RYR3: variants seen among roughly 807,000 people sequenced by gnomAD.
RYR3 encodes ryanodine receptor 3.
In RYR3, 207 loss-of-function variants were observed where a neutral mutation model predicts 584.3. The observed-to-expected ratio is 0.35, with a 90% confidence interval of 0.32 to 0.40. RYR3 has a LOEUF of 0.40. Among genes scored for constraint, RYR3 ranks in the 10% least tolerant of loss-of-function variants. The pLI is 1.00. For synonymous variants in RYR3, 2,416 were observed against 2,248.5 expected (o/e 1.07, Z -2.11); for missense variants, 5,616 against 6,089.2 (o/e 0.92, Z 2.59).
chr15:33,767,423 C>T (rs2073185918), intron 60 of RYR3, among the ~76,000 whole-genome samples: 1 of 152,200 alleles, frequency 6.6e-6, no homozygotes, highest in Non-Finnish European at 1.5e-5. Context: ...AAGCTATAGG[C>T]CAGGGGGTCC....
intron 1 of RYR3, among the ~76,000 whole-genome samples, chr15:33,437,911 C>G (rs1464210139): frequency 6.6e-6 from 1 of 152,096 alleles, no homozygotes; most frequent in Non-Finnish European, 1.5e-5. Flanking sequence ...TTTGTAGAAA[C>G]AGTGTCTTGC....
intron 1 of RYR3, among the ~76,000 whole-genome samples, chr15:33,419,387 G>T (rs1596054011): frequency 6.6e-6 from 1 of 152,232 alleles, no homozygotes; most frequent in South Asian, 2.1e-4. Flanking sequence ...TCCATTTCAG[G>T]TGGAAAAGTT....
intron 23 of RYR3, 119 bp downstream of exon 23, chr15:33,631,412 G>A (rs2061259507): frequency 3.2e-6 from 2 of 617,950 alleles, no homozygotes; most frequent in Non-Finnish European, 2.8e-6. Flanking sequence ...AGCTCAGAAG[G>A]GCTCCCCTGT....
chr15:33,854,459 G>A lies in RYR3; in HGVS notation c.13860+10G>A. On this transcript the variant is annotated intron_variant, in intron 97 of 103. Transcript: ENST00000634891. ...TGTTTTTACTGACAACGTAAGTACT[G>A]CACCTGGAAAAACAAAATTCTATAC... 2 of 1,556,104 alleles carry A rather than the reference G, an allele frequency of 1.3e-6. No individual in the cohort carries two copies. The highest frequency in any genetic ancestry group is 1.7e-6 in the Non-Finnish European group (2 of 1,151,028).
intron 38 of RYR3, among the ~76,000 whole-genome samples, chr15:33,684,839 C>T (rs2064878666): frequency 6.6e-6 from 1 of 152,144 alleles, no homozygotes; most frequent in Non-Finnish European, 1.5e-5. Context: ...TCATTCCAGC[C>T]AAACTAAGCT....
intron 18 of RYR3, 33 bp downstream of exon 18, chr15:33,603,397 C>T (rs2059765632): frequency 1.3e-6 from 2 of 1,512,860 alleles, no homozygotes; most frequent in Non-Finnish European, 8.9e-7. Context: ...GGCTCATAAT[C>T]TCACTGGAAA....
intron 1 of RYR3, among the ~76,000 whole-genome samples, chr15:33,359,093 T>C (rs1342397115): frequency 6.6e-6 from 1 of 152,216 alleles, no homozygotes; most frequent in Non-Finnish European, 1.5e-5. Flanking sequence ...CACCCTAGTT[T>C]AGGCCCCTGT....
At chr15:33,663,046 CA>C (rs1223821418) in intron 35 of RYR3, 98 bp downstream of exon 35, 3 of 1,122,998 alleles carry the variant, frequency 2.7e-6, no homozygotes, top group Non-Finnish European at 3.9e-6. Flanking sequence ...TAAGGTATGT[CA>C]AGTGCTTGGC....
chr15:33,313,821 C>CA (rs1206882806), intron 1 of RYR3, among the ~76,000 whole-genome samples: 2 of 151,970 alleles, frequency 1.3e-5, no homozygotes, highest in Non-Finnish European at 2.9e-5. Context: ...AACCTATTTA[C>CA]AAAAAAAGAC....
chr15:33,718,358 A>AG (rs561277234), intron 43 of RYR3, among the ~76,000 whole-genome samples: 134 of 152,320 alleles, frequency 8.8e-4, no homozygotes, highest in Non-Finnish European at 1.4e-3. Flanking sequence ...GACTTATTGA[A>AG]GAAATATATT....
At chr15:33,381,633 A>ATCATTTCTGACAGCCCCAATC (rs2041198204) in intron 1 of RYR3, among the ~76,000 whole-genome samples, 1 of 152,092 alleles carries the variant, frequency 6.6e-6, no homozygotes, top group South Asian at 2.1e-4. Context: ...ACTCCTTGAA[A>ATCATTTCTGACAGCCCCAATC]TCATTTCTGA....
intron 39 of RYR3, 57 bp downstream of exon 39, chr15:33,696,548 A>G (rs2065877923): frequency 6.5e-7 from 1 of 1,536,106 alleles, no homozygotes. Context: ...GGGAAAACTG[A>G]CTTACCTTGA....
chr15:33,769,035 G>C (rs1299680088), intron 61 of RYR3, 77 bp from the exon 62 acceptor site: 5 of 1,075,746 alleles, frequency 4.6e-6, no homozygotes, highest in Non-Finnish European at 7.2e-6. Context: ...GCTGTGGCTT[G>C]TGCATATGGA....
intron 11 of RYR3, among the ~76,000 whole-genome samples, chr15:33,564,941 T>A (rs2057620964): frequency 6.6e-6 from 1 of 152,200 alleles, no homozygotes. Context: ...GATGTCTAAA[T>A]CTGTTATGTT....
intron 38 of RYR3, among the ~76,000 whole-genome samples, chr15:33,678,468 C>T (rs2064341149): frequency 6.6e-6 from 1 of 152,218 alleles, no homozygotes; most frequent in Admixed American, 6.5e-5. Context: ...CCCAGCCATG[C>T]TTCCTGTACA....
At chr15:33,367,620 A>G (rs913761547) in intron 1 of RYR3, among the ~76,000 whole-genome samples, 3 of 152,224 alleles carry the variant, frequency 2.0e-5, no homozygotes, top group Non-Finnish European at 4.4e-5. Flanking sequence ...GAGCACAATT[A>G]TTGGTTGTAT....
intron 81 of RYR3, among the ~76,000 whole-genome samples, chr15:33,823,868 TC>T (rs2077236554): frequency 6.6e-6 from 1 of 152,196 alleles, no homozygotes; most frequent in South Asian, 2.1e-4. Context: ...AATTATGCTT[TC>T]CATTTAAAAA....
intron 67 of RYR3, among the ~76,000 whole-genome samples, chr15:33,793,027 A>T (rs1009368734): frequency 2.6e-5 from 4 of 152,216 alleles, no homozygotes; most frequent in African/African-American, 9.6e-5. Flanking sequence ...ACTTCTGCCC[A>T]GCGAACTGCA....
intron 1 of RYR3, among the ~76,000 whole-genome samples, chr15:33,470,958 A>G (rs1201923492): frequency 3.9e-5 from 6 of 152,196 alleles, no homozygotes; most frequent in Non-Finnish European, 7.3e-5. Flanking sequence ...ACAGGGATGA[A>G]GAGAAAGGCT....
Sources: gnomAD v4.1 joint callset for allele counts (sites outside exome capture counted in the v4.1 genomes callset) on GRCh38, gnomAD v4.1.1 for gene constraint, MANE v1.5 for transcripts, NCBI Gene and HGNC (gene_info 2026-07-23, HGNC 2026-07-21) for gene names.